The following ZSCAN26 variants were observed in gnomAD, a reference collection of about 807,000 sequenced individuals.
ZSCAN26 encodes the protein zinc finger and SCAN domain containing 26.
In ZSCAN26, 26 loss-of-function variants were observed where a neutral mutation model predicts 23.0. The observed-to-expected ratio is 1.13, with a 90% confidence interval of 0.83 to 1.57. The LOEUF (loss-of-function observed/expected upper bound fraction) is 1.57. ZSCAN26 is among the 40% of genes most tolerant of loss of function. The probability of loss-of-function intolerance (pLI) is 0.00; values close to 1 mark genes in which losing one functional copy is unlikely to be tolerated. For synonymous variants in ZSCAN26, 180 were observed against 202.5 expected, an observed-to-expected ratio of 0.89 and a Z score of 0.94; for missense variants, 528 against 568.5, an observed-to-expected ratio of 0.93 and a Z score of 0.72.
intron 3 of ZSCAN26, among the ~76,000 whole-genome samples, chr6:28,273,065 G>A (rs1033700033): frequency 6.6e-6 from 1 of 152,130 alleles, no homozygotes; most frequent in African/African-American, 2.4e-5. Flanking sequence ...AGCAAGAAAA[G>A]GGTACAAAGG....
chr6:28,267,486 G>C (rs1761494664), intron 1 of ZSCAN26: 1 of 152,238 alleles, frequency 6.6e-6, no homozygotes, highest in Admixed American at 6.5e-5. Context: ...TATTTGAGCA[G>C]AAATCTGAAG....
rs1762019218 is a variant in ZSCAN26, at chr6:28,277,964, A to G, written c.*868A>G. 6.6e-6 allele frequency: 1 copy of G among 152,242 alleles called. No homozygotes were observed. The highest frequency in any genetic ancestry group is 6.5e-5 in the Admixed American group (1 of 15,284). The allele number at this position is 152,242 out of a possible 1,614,324, so 9.4% of individuals were successfully genotyped here. ...TTAATACTGATGATGCAATTTTGAA[A>G]TGTTGCTTGTTCTGGAATACTTCGG... On this transcript the variant is annotated 3_prime_UTR_variant, in exon 4 of 4. Coordinates refer to ENST00000421553, the MANE Select transcript of ZSCAN26 (RefSeq NM_001023560.4).
intron 3 of ZSCAN26, among the ~76,000 whole-genome samples, chr6:28,274,151 C>T: frequency 6.7e-6 from 1 of 150,188 alleles, no homozygotes; most frequent in Non-Finnish European, 1.5e-5. Context: ...TTCTCTTTTT[C>T]TCTTGCCAGA....
intron 1 of ZSCAN26, among the ~76,000 whole-genome samples, chr6:28,269,793 A>G (rs1391775801): frequency 6.6e-6 from 1 of 152,232 alleles, no homozygotes; most frequent in African/African-American, 2.4e-5. Context: ...TTTAGTCAAC[A>G]GTCTACCAAT....
Position 28,272,319 on chromosome 6 carries a change from G to A in ZSCAN26, c.400G>A (p.Gly134Arg), listed in dbSNP as rs1273231589. Residue 134 changes from glycine (G) to arginine (R), a missense_variant, in exon 2 of 4, where the codon GGA (glycine) becomes AGA (arginine). By Grantham distance (125) the Gly-to-Arg change is moderately radical. Transcript: ENST00000421553. ...TCTGGAGGATTTGCAGCTGGATCTT[G>A]GAGAAACAGGACAACAGGTGGTAAG... Reference protein sequence around the residue: ...VVLEDLQLDLGETGQQVDPDQ... With the variant: ...VVLEDLQLDLRETGQQVDPDQ... 2.1e-5 allele frequency: 33 copies of A among 1,546,626 alleles called. No homozygotes were observed. Among genetic ancestry groups the A allele is most frequent in the Non-Finnish European group, 2.8e-5 (32 of 1,145,076 alleles).
chr6:28,276,807 A>C lies in ZSCAN26; in HGVS notation c.1151A>C (p.His384Pro), dbSNP rs1554136247. Reference protein sequence around the residue: ...KTFSQALLLTHHQRIHSHSKS... With the variant: ...KTFSQALLLTPHQRIHSHSKS... ...TTTAGTCAGGCCTTACTCCTCACCC[A>C]CCATCAGAGAATCCATAGTCACTCC... The change falls in exon 4 of 4, where the codon CAC becomes CCC. Residue 384 changes from histidine (H) to proline (P), a missense_variant. Coordinates refer to ENST00000421553, the MANE Select transcript of ZSCAN26 (RefSeq NM_001023560.4). 8.7e-6 allele frequency: 14 copies of C among 1,613,894 alleles called. No individual in the cohort carries two copies. In the South Asian group the frequency reaches 1.5e-4, roughly 18 times the overall value.
Position 28,276,486 on chromosome 6 carries a change from T to G in ZSCAN26, c.830T>G (p.Leu277Arg). ...AGTCTTACAGGACATAAGAAAGTCC[T>G]CTCTAGAGAGAAAGGTCATCAGTGT... ...SSSLTGHKKV[L>R]SREKGHQCHE... The change falls in exon 4 of 4, where the codon CTC becomes CGC. Residue 277 changes from leucine to arginine, a missense_variant. Coordinates refer to ENST00000421553, the MANE Select transcript of ZSCAN26 (RefSeq NM_001023560.4). 1 of 1,613,908 alleles carries G rather than the reference T, an allele frequency of 6.2e-7. No homozygotes were observed. Among genetic ancestry groups the G allele is most frequent in the Non-Finnish European group, 8.5e-7 (1 of 1,179,844 alleles).
chr6:28,271,707 A>G (rs1023829943), intron 1 of ZSCAN26, 147 bp from the exon 2 acceptor site: 1 of 544,842 alleles, frequency 1.8e-6, no homozygotes, highest in Admixed American at 3.4e-5. Context: ...TCTGTAAGAT[A>G]GTTTTTTCCT....
intron 3 of ZSCAN26, among the ~76,000 whole-genome samples, chr6:28,273,081 T>C (rs553054393): frequency 6.6e-6 from 1 of 152,326 alleles, no homozygotes; most frequent in Non-Finnish European, 1.5e-5. Flanking sequence ...AAAGGGAACC[T>C]GGACCTTCAC....
intron 2 of ZSCAN26, 114 bp from the exon 3 acceptor site, chr6:28,272,556 C>A: frequency 9.5e-7 from 1 of 1,054,998 alleles, no homozygotes; most frequent in Non-Finnish European, 1.4e-6. Context: ...CTTTTCTTTG[C>A]CCCTCTGGGG....
chr6:28,276,938 T>G lies in ZSCAN26; in HGVS notation c.1282T>G (p.Cys428Gly). ...TGEKPFKCNI[C>G]QKAFRLNSHL... ...AGAAAAACCTTTCAAGTGTAACATATGCCAGAAAGCCTTCCGACTAAACTC... is the reference window on the plus strand; with the variant it reads ...AGAAAAACCTTTCAAGTGTAACATAGGCCAGAAAGCCTTCCGACTAAACTC... Residue 428 changes from cysteine to glycine, a missense_variant, in exon 4 of 4, where the codon TGC (cysteine) becomes GGC (glycine). Transcript: ENST00000421553. 6.2e-7 allele frequency: 1 copy of G among 1,614,030 alleles called. No homozygotes were observed. The highest frequency in any genetic ancestry group is 8.5e-7 in the Non-Finnish European group (1 of 1,179,864).
intron 3 of ZSCAN26, among the ~76,000 whole-genome samples, chr6:28,273,832 C>T (rs1761821841): frequency 6.6e-6 from 1 of 152,040 alleles, no homozygotes; most frequent in South Asian, 2.1e-4. Flanking sequence ...ATCCTCCCAC[C>T]TCAGCCTCCC....
At chr6:28,268,589 A>G (rs1761541683) in intron 1 of ZSCAN26, among the ~76,000 whole-genome samples, 2 of 152,108 alleles carry the variant, frequency 1.3e-5, no homozygotes, top group Admixed American at 1.3e-4. Flanking sequence ...GGAGAAGACA[A>G]TGGCAAAGGG....
At chr6:28,272,482 CT>C in intron 2 of ZSCAN26, 143 bp downstream of exon 2, 1 of 1,141,978 alleles carries the variant, frequency 8.8e-7, no homozygotes, top group Non-Finnish European at 1.2e-6. Context: ...TTCCTTAGGT[CT>C]TACCTCAACC....
At chr6:28,271,053 A>T (rs576148954) in intron 1 of ZSCAN26, among the ~76,000 whole-genome samples, 2 of 152,230 alleles carry the variant, frequency 1.3e-5, no homozygotes, top group East Asian at 1.9e-4. Context: ...AGGTCACAAC[A>T]TGTAAGTGAC....
At position 28,276,771 on chromosome 6, in the gene ZSCAN26, G is replaced by A. The variant is rs766499284; in HGVS notation, c.1115G>A (p.Cys372Tyr). ...SQEEPCECKE[C>Y]GKTFSQALLL... ...GAGGAGCCCTGTGAGTGCAAGGAGTGTGGAAAAACCTTTAGTCAGGCCTTA... is the reference window on the plus strand; with the variant it reads ...GAGGAGCCCTGTGAGTGCAAGGAGTATGGAAAAACCTTTAGTCAGGCCTTA... Residue 372 changes from cysteine to tyrosine, a missense_variant, in exon 4 of 4, where the codon TGT (cysteine) becomes TAT (tyrosine). By Grantham distance (194) the Cys-to-Tyr change is radical. Transcript: ENST00000421553. 1 of 1,613,942 alleles carries A rather than the reference G, an allele frequency of 6.2e-7. No homozygotes were observed. The highest frequency in any genetic ancestry group is 2.2e-5 in the East Asian group (1 of 44,886).
At chr6:28,268,860 C>G (rs1324862984) in intron 1 of ZSCAN26, among the ~76,000 whole-genome samples, 1 of 152,180 alleles carries the variant, frequency 6.6e-6, no homozygotes, top group Non-Finnish European at 1.5e-5. Flanking sequence ...TGCCTGTAAT[C>G]CCAGCACTTC....
intron 1 of ZSCAN26, among the ~76,000 whole-genome samples, chr6:28,271,456 T>C (rs545312779): frequency 3.3e-4 from 50 of 152,212 alleles, no homozygotes; most frequent in African/African-American, 1.2e-3. Context: ...ACTCCTGGGC[T>C]CAAGCAGTTC....
In ZSCAN26 at chr6:28,277,099, A is replaced by C; in HGVS notation, c.*3A>C. The C allele has an allele frequency of 6.2e-7, 1 of 1,609,952 alleles. No individual in the cohort carries two copies. ...ACCACAAAGACAAACTGGCTTGATG[A>C]GGTGTTCTCTCCTTGTAGAACATCA... On this transcript the variant is annotated 3_prime_UTR_variant, in exon 4 of 4. Transcript: ENST00000421553.
Sources: gnomAD v4.1 joint callset for allele counts (sites outside exome capture counted in the v4.1 genomes callset) on GRCh38, gnomAD v4.1.1 for gene constraint, MANE v1.5 for transcripts, NCBI Gene and HGNC (gene_info 2026-07-23, HGNC 2026-07-21) for gene names.